Variants in NCALD observed in about 807,000 individuals in gnomAD.
NCALD encodes the protein neurocalcin-delta.
NCALD carries 10 observed loss-of-function variants against 18.6 expected under a neutral mutation model. The observed-to-expected ratio is 0.54, with a 90% CI of 0.33 to 0.91. The LOEUF (loss-of-function observed/expected upper bound fraction) is 0.91. Among genes scored for constraint, NCALD ranks in the 40% least tolerant of loss-of-function variants. The pLI is 0.03. For missense variants in NCALD, 184 were observed against 247.6 expected, an observed-to-expected ratio of 0.74 and a Z score of 1.72; for synonymous variants, 88 against 87.4, an observed-to-expected ratio of 1.01 and a Z score of -0.04.
At chr8:101,934,006 G>C (rs904442070) in intron 2 of NCALD, among the ~76,000 whole-genome samples, 1 of 152,154 alleles carries the variant, frequency 6.6e-6, no homozygotes, top group Non-Finnish European at 1.5e-5. Context: ...ACTACAGAAA[G>C]TGTGATCCAG....
intron 4 of NCALD, among the ~76,000 whole-genome samples, chr8:101,802,761 A>C (rs1390972629): frequency 6.6e-6 from 1 of 152,104 alleles, no homozygotes; most frequent in African/African-American, 2.4e-5. Context: ...CTTTGAATCT[A>C]GCAAAGGTTC....
intron 4 of NCALD, among the ~76,000 whole-genome samples, chr8:101,878,871 G>C (rs549509630): frequency 6.6e-6 from 1 of 152,182 alleles, no homozygotes; most frequent in African/African-American, 2.4e-5. Context: ...GCTGTTATGC[G>C]ACGGTCAATG....
intron 1 of NCALD, among the ~76,000 whole-genome samples, chr8:101,768,275 A>G (rs1563749281): frequency 6.6e-6 from 1 of 152,224 alleles, no homozygotes; most frequent in Non-Finnish European, 1.5e-5. Flanking sequence ...AGCAGAGTCC[A>G]CAGCACCAGC....
chr8:102,040,621 A>G (rs537975331), intron 1 of NCALD, among the ~76,000 whole-genome samples: 100 of 152,268 alleles, frequency 6.6e-4, no homozygotes, highest in Non-Finnish European at 1.1e-3. Flanking sequence ...AGAATGGGGG[A>G]AAACAGGCAA....
At chr8:101,731,976 C>T (rs1454337023) in intron 1 of NCALD, among the ~76,000 whole-genome samples, 1 of 152,216 alleles carries the variant, frequency 6.6e-6, no homozygotes, top group African/African-American at 2.4e-5. Flanking sequence ...TGTCTCTTCA[C>T]CATCAGACCA....
At chr8:102,095,747 T>C (rs1825073553) in intron 1 of NCALD, among the ~76,000 whole-genome samples, 1 of 152,236 alleles carries the variant, frequency 6.6e-6, no homozygotes, top group African/African-American at 2.4e-5. Context: ...GATGGTTTTT[T>C]CATTATTTGG....
intron 1 of NCALD, among the ~76,000 whole-genome samples, chr8:102,027,068 G>T (rs771934473): frequency 6.6e-6 from 1 of 152,188 alleles, no homozygotes; most frequent in Non-Finnish European, 1.5e-5. Flanking sequence ...CCTGGGCTTG[G>T]CCCACAAAAC....
rs886263338 is a variant in NCALD, at chr8:102,004,646, T to C, written c.-157+15591A>G. The stretch of plus-strand genomic sequence containing the variant: ...TTCAAACTATACTACAAGGCTACAG[T>C]AACCAAAACAGCATGGTACTGGTAC... On this transcript the variant is annotated intron_variant, in intron 2 of 6. Transcript: ENST00000311028. Among the ~76,000 whole-genome samples, 76 of 152,220 alleles carry C rather than the reference T, an allele frequency of 5.0e-4. 1 individual carries two copies. Among genetic ancestry groups the C allele is most frequent in the African/African-American group, 1.8e-3 (74 of 41,500 alleles).
chr8:102,059,645 G>T lies in NCALD; in HGVS notation c.-209-39356C>A, dbSNP rs79798478. ...CTGCATGAATCACTGCTATGCTACA[G>T]TAACATTTAGGAAAGGAAAAGATTG... On this transcript the variant is annotated intron_variant, in intron 1 of 6. Coordinates refer to the NCALD transcript ENST00000311028. Among the ~76,000 whole-genome samples the T allele has an allele frequency of 8.5e-4, 130 of 152,300 alleles. No homozygotes were observed. The East Asian group carries it at 0.015, about 17-fold the overall frequency.
intron 4 of NCALD, among the ~76,000 whole-genome samples, chr8:101,808,144 C>T (rs796688936): frequency 6.6e-6 from 1 of 152,162 alleles, no homozygotes; most frequent in South Asian, 2.1e-4. Flanking sequence ...ATTTCACAGG[C>T]TCTAGAAGAT....
chr8:102,030,820 G>A (rs1822641338), intron 1 of NCALD, among the ~76,000 whole-genome samples: 1 of 152,130 alleles, frequency 6.6e-6, no homozygotes, highest in African/African-American at 2.4e-5. Flanking sequence ...AGGTTGTAGT[G>A]AGCCACGATC....
At chr8:101,822,208 T>C (rs1009746926) in intron 4 of NCALD, among the ~76,000 whole-genome samples, 1 of 152,216 alleles carries the variant, frequency 6.6e-6, no homozygotes, top group African/African-American at 2.4e-5. Flanking sequence ...TTTGTAGTCA[T>C]AGTCTATCTT....
In NCALD at chr8:101,719,257, C is replaced by T. The variant is rs778669516; in HGVS notation, c.373G>A (p.Val125Met). 27 of 1,613,064 alleles carry T rather than the reference C, an allele frequency of 1.7e-5. No individual in the cohort carries two copies. The highest frequency in any genetic ancestry group is 1.7e-4 in the Middle Eastern group (1 of 6,038). Residue 125 changes from valine (V) to methionine (M), a missense_variant, in exon 2 of 4, where the codon GTG (valine) becomes ATG (methionine). Coordinates refer to ENST00000220931, the MANE Select transcript of NCALD (RefSeq NM_032041.3). ...YISKAEMLEI[V>M]QAIYKMVSSV... Reference sequence around the variant, plus strand: ...AAAGGGCTCAGTCTACGTACCTGCACGATCTCTAGCATCTCTGCCTTGCTG... The same window carrying T: ...AAAGGGCTCAGTCTACGTACCTGCATGATCTCTAGCATCTCTGCCTTGCTG...
intron 4 of NCALD, among the ~76,000 whole-genome samples, chr8:101,843,876 C>T (rs1335285183): frequency 6.6e-6 from 1 of 152,112 alleles, no homozygotes; most frequent in Non-Finnish European, 1.5e-5. Context: ...GCCACCATGC[C>T]CGGCTGAGGA....
chr8:102,083,737 T>A (rs565909501), intron 1 of NCALD, among the ~76,000 whole-genome samples: 2 of 152,232 alleles, frequency 1.3e-5, no homozygotes, highest in Non-Finnish European at 2.9e-5. Flanking sequence ...GTTTGTTTCC[T>A]TTTTCCATTT....
At chr8:101,897,901 G>A (rs566053156) in intron 3 of NCALD, among the ~76,000 whole-genome samples, 14 of 152,308 alleles carry the variant, frequency 9.2e-5, no homozygotes, top group African/African-American at 3.4e-4. Flanking sequence ...GTTGTAGGAG[G>A]GACCAGGTGG....
chr8:101,870,656 C>T (rs1815968057), intron 4 of NCALD, among the ~76,000 whole-genome samples: 2 of 152,090 alleles, frequency 1.3e-5, no homozygotes, highest in African/African-American at 4.8e-5. Context: ...GTATTCTACA[C>T]AAAGGTCTGA....
At chr8:101,721,853 C>A (rs887580936) in intron 1 of NCALD, among the ~76,000 whole-genome samples, 2 of 145,534 alleles carry the variant, frequency 1.4e-5, no homozygotes, top group African/African-American at 5.2e-5. Flanking sequence ...GTTCCCCCTG[C>A]CTTTTTTTTT....
chr8:101,820,827 A>G (rs1000895646), intron 4 of NCALD, among the ~76,000 whole-genome samples: 2 of 152,208 alleles, frequency 1.3e-5, no homozygotes, highest in African/African-American at 2.4e-5. Context: ...TATGCAGGCA[A>G]TATTTGCGTT....
Sources: gnomAD v4.1 joint callset for allele counts (sites outside exome capture counted in the v4.1 genomes callset) on GRCh38, gnomAD v4.1.1 for gene constraint, MANE v1.5 for transcripts, NCBI Gene and HGNC (gene_info 2026-07-23, HGNC 2026-07-21) for gene names.